Variants in SSBP2 observed in about 807,000 individuals in gnomAD.
SSBP2 encodes single-stranded DNA-binding protein 2.
In SSBP2, 17 loss-of-function variants were observed where a neutral mutation model predicts 61.8. The ratio of observed to expected loss-of-function variants is 0.28; its 90% CI spans 0.19 to 0.41. The LOEUF (loss-of-function observed/expected upper bound fraction) is 0.41. SSBP2 is among the 10% of genes least tolerant of loss of function. The pLI is 1.00. For synonymous variants in SSBP2, 139 were observed against 141.3 expected, an observed-to-expected ratio of 0.98 and a Z score of 0.12; for missense variants, 310 against 458.7, an observed-to-expected ratio of 0.68 and a Z score of 2.96.
intron 4 of SSBP2, among the ~76,000 whole-genome samples, chr5:81,539,951 T>C (rs576665872): frequency 6.6e-6 from 1 of 152,266 alleles, no homozygotes; most frequent in East Asian, 1.9e-4. Context: ...GTCCATGTGT[T>C]CTCATTGTTC....
At chr5:81,490,147 A>G (rs1164238925) in intron 5 of SSBP2, among the ~76,000 whole-genome samples, 1 of 152,122 alleles carries the variant, frequency 6.6e-6, no homozygotes, top group Non-Finnish European at 1.5e-5. Context: ...ATCTTATATT[A>G]AAAGTCAAGT....
At chr5:81,526,308 C>T (rs1202721356) in intron 4 of SSBP2, among the ~76,000 whole-genome samples, 1 of 151,932 alleles carries the variant, frequency 6.6e-6, no homozygotes. Context: ...TAAATTTTAT[C>T]TAGAACAAAT....
intron 1 of SSBP2, among the ~76,000 whole-genome samples, chr5:81,692,181 A>G (rs1753258517): frequency 6.6e-6 from 1 of 152,212 alleles, no homozygotes; most frequent in South Asian, 2.1e-4. Flanking sequence ...CAAAACCAAC[A>G]TACAAAAATC....
chr5:81,448,860 C>A (rs1329015646), intron 10 of SSBP2, 35 bp from the exon 11 acceptor site: 3 of 1,561,764 alleles, frequency 1.9e-6, no homozygotes, highest in East Asian at 4.5e-5. Context: ...ATTTTTGATT[C>A]ATGTAGCAAT....
chr5:81,552,266 C>A (rs1581001782), intron 4 of SSBP2, among the ~76,000 whole-genome samples: 1 of 152,094 alleles, frequency 6.6e-6, no homozygotes, highest in African/African-American at 2.4e-5. Flanking sequence ...GAATAAATAT[C>A]TATAGTTAAG....
chr5:81,441,258 T>C (rs1763014288), intron 13 of SSBP2, among the ~76,000 whole-genome samples: 1 of 152,188 alleles, frequency 6.6e-6, no homozygotes, highest in African/African-American at 2.4e-5. Flanking sequence ...GAATTCTTTT[T>C]TTCTTTCCTT....
intron 1 of SSBP2, among the ~76,000 whole-genome samples, chr5:81,727,741 T>C (rs1405089781): frequency 1.3e-5 from 2 of 152,222 alleles, no homozygotes; most frequent in East Asian, 3.8e-4. Flanking sequence ...TCAATAAATA[T>C]TTAACCAGGG....
intron 1 of SSBP2, among the ~76,000 whole-genome samples, chr5:81,650,630 A>G (rs926791901): frequency 6.6e-6 from 1 of 152,064 alleles, no homozygotes; most frequent in South Asian, 2.1e-4. Flanking sequence ...TCCCATTGCT[A>G]TATCTATTAA....
chr5:81,643,878 C>T (rs1477123104), intron 2 of SSBP2, among the ~76,000 whole-genome samples: 3 of 152,108 alleles, frequency 2.0e-5, no homozygotes, highest in African/African-American at 4.8e-5. Context: ...GCTGGGATTA[C>T]ATGCGTGAGC....
chr5:81,499,885 A>G (rs1767566466), intron 5 of SSBP2, among the ~76,000 whole-genome samples: 1 of 152,160 alleles, frequency 6.6e-6, no homozygotes, highest in African/African-American at 2.4e-5. Flanking sequence ...TAGGTACTTC[A>G]ATTTATTTAA....
intron 15 of SSBP2, among the ~76,000 whole-genome samples, chr5:81,433,182 A>T (rs1762446890): frequency 6.6e-6 from 1 of 152,058 alleles, no homozygotes; most frequent in African/African-American, 2.4e-5. Context: ...AAAGGTGGGG[A>T]AAAGATTGAG....
chr5:81,633,900 G>A (rs1192041770), intron 3 of SSBP2, among the ~76,000 whole-genome samples: 4 of 152,178 alleles, frequency 2.6e-5, no homozygotes, highest in Non-Finnish European at 5.9e-5. Flanking sequence ...TACTGCACGA[G>A]CCTTCTAAGT....
intron 8 of SSBP2, among the ~76,000 whole-genome samples, chr5:81,468,466 A>G (rs1382579106): frequency 2.0e-5 from 3 of 151,946 alleles, no homozygotes; most frequent in Admixed American, 6.6e-5. Context: ...TACCTGTCAA[A>G]TAAGTTTAAA....
At chr5:81,459,987 T>C (rs1032298968) in intron 10 of SSBP2, among the ~76,000 whole-genome samples, 2 of 152,190 alleles carry the variant, frequency 1.3e-5, no homozygotes, top group African/African-American at 4.8e-5. Context: ...TTAGCAAACA[T>C]CGTAGCTATT....
At chr5:81,600,570 A>C (rs1286658624) in intron 4 of SSBP2, among the ~76,000 whole-genome samples, 1 of 150,952 alleles carries the variant, frequency 6.6e-6, no homozygotes, top group African/African-American at 2.4e-5. Flanking sequence ...TCAAAAAAAA[A>C]AAAAAAAAAA....
intron 3 of SSBP2, among the ~76,000 whole-genome samples, chr5:81,629,019 C>G (rs1402048445): frequency 6.6e-6 from 1 of 152,022 alleles, no homozygotes; most frequent in Non-Finnish European, 1.5e-5. Context: ...CAAGGTCTTG[C>G]TCTGTCACCC....
At chr5:81,426,759 A>G (rs1035125395) in intron 16 of SSBP2, among the ~76,000 whole-genome samples, 1 of 152,214 alleles carries the variant, frequency 6.6e-6, no homozygotes, top group African/African-American at 2.4e-5. Flanking sequence ...CCCTCTTCCA[A>G]CTGTTAAGAC....
intron 4 of SSBP2, among the ~76,000 whole-genome samples, chr5:81,572,185 A>G (rs987129751): frequency 1.3e-5 from 2 of 152,206 alleles, no homozygotes; most frequent in African/African-American, 4.8e-5. Flanking sequence ...GGTTTCCTGA[A>G]AAATACTGAA....
At chr5:81,724,970 C>T (rs372773885) in intron 1 of SSBP2, among the ~76,000 whole-genome samples, 10 of 152,102 alleles carry the variant, frequency 6.6e-5, no homozygotes, top group African/African-American at 2.4e-4. Flanking sequence ...ATTTATTCAA[C>T]AAATATTTAT....
Sources: gnomAD v4.1 joint callset for allele counts (sites outside exome capture counted in the v4.1 genomes callset) on GRCh38, gnomAD v4.1.1 for gene constraint, MANE v1.5 for transcripts, NCBI Gene and HGNC (gene_info 2026-07-23, HGNC 2026-07-21) for gene names.